The following EPHA3 variants were observed in gnomAD, a reference collection of about 807,000 sequenced individuals.
EPHA3 encodes the protein ephrin type-A receptor 3.
A neutral mutation model predicts 107.1 loss-of-function variants in EPHA3; 42 were observed. The observed-to-expected ratio is 0.39, with a 90% confidence interval of 0.31 to 0.51. The LOEUF (loss-of-function observed/expected upper bound fraction) is 0.51, where lower values mean the gene tolerates loss of function less well. EPHA3 is among the 20% of genes least tolerant of loss of function. The probability of loss-of-function intolerance (pLI) is 0.78; values close to 1 mark genes in which losing one functional copy is unlikely to be tolerated. For synonymous variants in EPHA3, 461 were observed against 424.8 expected (o/e 1.09, Z -1.05); for missense variants, 1,183 against 1,211.2 (o/e 0.98, Z 0.35).
At chr3:89,154,039 G>GC (rs896062004) in intron 2 of EPHA3, among the ~76,000 whole-genome samples, 6 of 151,852 alleles carry the variant, frequency 4.0e-5, no homozygotes, top group African/African-American at 1.5e-4. Flanking sequence ...AAGCCATGAG[G>GC]CCCCCCGACA....
intron 4 of EPHA3, among the ~76,000 whole-genome samples, 179 bp from the exon 5 acceptor site, chr3:89,341,576 A>G (rs1342672205): frequency 6.6e-6 from 1 of 152,186 alleles, no homozygotes; most frequent in African/African-American, 2.4e-5. Flanking sequence ...AGCTTGGGGA[A>G]GACAGTGTTC....
chr3:89,449,239 A>G lies in EPHA3; in HGVS notation c.2361A>G (p.Pro787=). ...AAYTTRGGKI[P]IRWTSPEAIA... The stretch of plus-strand genomic sequence containing the variant: ...TATATTCAAAGGGAGGGAAGATCCC[A>G]ATCAGGTGGACATCACCAGAAGCTA... The change falls in exon 14 of 17, where the codon CCA becomes CCG. Residue 787 remains proline (P), a synonymous_variant. Transcript: ENST00000336596. 1.2e-6 allele frequency: 2 copies of G among 1,606,276 alleles called. No homozygotes were observed. The highest frequency in any genetic ancestry group is 1.7e-4 in the Middle Eastern group (1 of 6,028).
intron 3 of EPHA3, among the ~76,000 whole-genome samples, chr3:89,304,622 C>T (rs1706567932): frequency 6.6e-6 from 1 of 152,102 alleles, no homozygotes; most frequent in Non-Finnish European, 1.5e-5. Flanking sequence ...CAGTGGTGAG[C>T]TGACTTTTAT....
At chr3:89,335,821 G>T (rs546168354) in intron 3 of EPHA3, among the ~76,000 whole-genome samples, 32 of 152,198 alleles carry the variant, frequency 2.1e-4, no homozygotes, top group African/African-American at 7.0e-4. Flanking sequence ...GCTATCCTGG[G>T]GTTAAGATCC....
chr3:89,306,513 T>C (rs1706626526), intron 3 of EPHA3, among the ~76,000 whole-genome samples: 1 of 152,156 alleles, frequency 6.6e-6, no homozygotes, highest in Non-Finnish European at 1.5e-5. Flanking sequence ...TAACAAACTT[T>C]CTCTAAAAGT....
At chr3:89,117,999 T>C (rs1707295324) in intron 1 of EPHA3, among the ~76,000 whole-genome samples, 1 of 152,014 alleles carries the variant, frequency 6.6e-6, no homozygotes, top group African/African-American at 2.4e-5. Context: ...ATGAAATCTA[T>C]AAACACCACC....
At chr3:89,472,898 A>G (rs1412489713) in intron 16 of EPHA3, among the ~76,000 whole-genome samples, 1 of 152,154 alleles carries the variant, frequency 6.6e-6, no homozygotes, top group African/African-American at 2.4e-5. Flanking sequence ...ATTCACACCC[A>G]TAACCACACT....
At chr3:89,424,249 C>G (rs1353488910) in intron 11 of EPHA3, among the ~76,000 whole-genome samples, 1 of 151,194 alleles carries the variant, frequency 6.6e-6, no homozygotes, top group Non-Finnish European at 1.5e-5. Context: ...TTGTATTTAA[C>G]AATTCTAAAA....
At chr3:89,303,550 C>G (rs1241530561) in intron 3 of EPHA3, among the ~76,000 whole-genome samples, 1 of 151,228 alleles carries the variant, frequency 6.6e-6, no homozygotes, top group Non-Finnish European at 1.5e-5. Flanking sequence ...TAGGTTGTCA[C>G]ATATAGTTTT....
intron 5 of EPHA3, among the ~76,000 whole-genome samples, chr3:89,370,175 A>G (rs1442993309): frequency 6.6e-6 from 1 of 151,024 alleles, no homozygotes; most frequent in Non-Finnish European, 1.5e-5. Flanking sequence ...CCAAAGGACT[A>G]TAAGTCATGC....
intron 3 of EPHA3, among the ~76,000 whole-genome samples, chr3:89,289,193 T>G (rs558812168): frequency 6.6e-6 from 1 of 152,288 alleles, no homozygotes; most frequent in African/African-American, 2.4e-5. Flanking sequence ...TGGTGATAAC[T>G]GAAACGTACA....
chr3:89,214,703 A>G (rs542765904), intron 3 of EPHA3, among the ~76,000 whole-genome samples: 3 of 151,886 alleles, frequency 2.0e-5, no homozygotes, highest in Middle Eastern at 3.4e-3. Context: ...AACAGCAGTC[A>G]CGCTTGATTT....
intron 3 of EPHA3, among the ~76,000 whole-genome samples, chr3:89,271,353 G>A (rs539662423): frequency 6.6e-6 from 1 of 152,078 alleles, no homozygotes; most frequent in South Asian, 2.1e-4. Flanking sequence ...CCCTTGCAGA[G>A]TACAGCAAAG....
At chr3:89,285,611 A>G (rs1706063637) in intron 3 of EPHA3, among the ~76,000 whole-genome samples, 1 of 152,222 alleles carries the variant, frequency 6.6e-6, no homozygotes, top group Non-Finnish European at 1.5e-5. Context: ...AAGGGTGAGC[A>G]TGTCAGCTAT....
chr3:89,223,800 A>G (rs1309255956), intron 3 of EPHA3, among the ~76,000 whole-genome samples: 2 of 152,146 alleles, frequency 1.3e-5, no homozygotes, highest in Non-Finnish European at 2.9e-5. Context: ...TAAGAGTAAG[A>G]GTGGAGAGAA....
intron 2 of EPHA3, among the ~76,000 whole-genome samples, chr3:89,152,540 A>G (rs1704711290): frequency 6.6e-6 from 1 of 152,100 alleles, no homozygotes; most frequent in Non-Finnish European, 1.5e-5. Flanking sequence ...CTAATGGAAT[A>G]CATACTATTA....
chr3:89,215,619 G>A (rs539433461), intron 3 of EPHA3, among the ~76,000 whole-genome samples: 14 of 151,930 alleles, frequency 9.2e-5, no homozygotes, highest in African/African-American at 2.9e-4. Context: ...TGAATACCTC[G>A]TAATGAATAA....
chr3:89,203,704 G>A (rs1429426197), intron 2 of EPHA3, among the ~76,000 whole-genome samples: 1 of 152,094 alleles, frequency 6.6e-6, no homozygotes, highest in Non-Finnish European at 1.5e-5. Flanking sequence ...GTGAACCTGG[G>A]AGGCGCAGCT....
intron 2 of EPHA3, among the ~76,000 whole-genome samples, chr3:89,142,252 A>C (rs1309735577): frequency 6.6e-6 from 1 of 151,396 alleles, no homozygotes; most frequent in African/African-American, 2.4e-5. Flanking sequence ...TTTGAAAAGC[A>C]CTGAAATGAT....
Sources: gnomAD v4.1 joint callset for allele counts (sites outside exome capture counted in the v4.1 genomes callset) on GRCh38, gnomAD v4.1.1 for gene constraint, MANE v1.5 for transcripts, NCBI Gene and HGNC (gene_info 2026-07-23, HGNC 2026-07-21) for gene names.